MYO10: variants seen among roughly 807,000 people sequenced by gnomAD.
MYO10 encodes unconventional myosin-X.
MYO10 carries 133 observed loss-of-function variants against 257.3 expected under a neutral mutation model. That is an observed-to-expected ratio of 0.52 (90% CI 0.45 to 0.60). The LOEUF is 0.60. Among genes scored for constraint, MYO10 ranks in the 20% least tolerant of loss-of-function variants. The pLI is 0.00. For synonymous variants in MYO10, 1,104 were observed against 1,028.6 expected (o/e 1.07, Z -1.40); for missense variants, 2,399 against 2,635.7 (o/e 0.91, Z 1.97).
chr5:16,687,214 G>A (rs773573430), intron 28 of MYO10, among the ~76,000 whole-genome samples: 10 of 151,792 alleles, frequency 6.6e-5, no homozygotes, highest in South Asian at 2.1e-4. Context: ...CCAGCTACTC[G>A]GGAGGCTGAG....
At chr5:16,825,914 G>A (rs1291438996) in intron 2 of MYO10, among the ~76,000 whole-genome samples, 1 of 152,062 alleles carries the variant, frequency 6.6e-6, no homozygotes, top group East Asian at 1.9e-4. Flanking sequence ...GGAAGCCAAG[G>A]TGGGCAGATC....
chr5:16,795,882 G>T (rs10052479), intron 3 of MYO10, among the ~76,000 whole-genome samples: 6,740 of 151,950 alleles, frequency 0.044, 535 homozygotes, highest in African/African-American at 0.16. Context: ...AAGATAACGT[G>T]ACCATTTCGA....
intron 33 of MYO10, among the ~76,000 whole-genome samples, chr5:16,677,450 C>A (rs932345607): frequency 1.8e-5 from 2 of 113,872 alleles, no homozygotes; most frequent in Non-Finnish European, 3.6e-5. Flanking sequence ...GAGTCTTGCT[C>A]TTTCGCCCAG....
At chr5:16,889,661 G>C (rs1744997236) in intron 1 of MYO10, among the ~76,000 whole-genome samples, 1 of 151,712 alleles carries the variant, frequency 6.6e-6, no homozygotes. Context: ...GTCCCACTAA[G>C]AACTCTCAAA....
At chr5:16,775,778 T>C (rs975870195) in intron 9 of MYO10, among the ~76,000 whole-genome samples, 1 of 152,144 alleles carries the variant, frequency 6.6e-6, no homozygotes, top group African/African-American at 2.4e-5. Context: ...AATTTTTGTA[T>C]TTTTAGTACA....
chr5:16,699,705 C>T (rs142848697), intron 25 of MYO10, 132 bp from the exon 26 acceptor site: 8 of 1,167,344 alleles, frequency 6.9e-6, no homozygotes, highest in East Asian at 6.1e-5. Context: ...CAGAATCACT[C>T]GAACCCAGGA....
At chr5:16,694,256 C>G in intron 27 of MYO10, 115 bp downstream of exon 27, 1 of 1,496,056 alleles carries the variant, frequency 6.7e-7, no homozygotes. Flanking sequence ...ACTGAACTAT[C>G]AGGACACCTG....
At chr5:16,794,288 G>T (rs921695806) in intron 4 of MYO10, among the ~76,000 whole-genome samples, 11 of 149,704 alleles carry the variant, frequency 7.3e-5, no homozygotes, top group African/African-American at 2.7e-4. Context: ...ATTTAAATTT[G>T]AAAGAACTAT....
intron 2 of MYO10, among the ~76,000 whole-genome samples, chr5:16,821,156 T>C (rs944987985): frequency 6.1e-5 from 9 of 148,090 alleles, no homozygotes; most frequent in East Asian, 2.0e-4. Context: ...AAAATATCTA[T>C]ATAAGGTATA....
chr5:16,709,831 T>A (rs143236822), intron 21 of MYO10, among the ~76,000 whole-genome samples: 2 of 152,310 alleles, frequency 1.3e-5, no homozygotes, highest in African/African-American at 4.8e-5. Flanking sequence ...GCATGCTATC[T>A]CTACCCTGTT....
chr5:16,779,042 T>C (rs1741322682), intron 9 of MYO10, among the ~76,000 whole-genome samples: 1 of 152,214 alleles, frequency 6.6e-6, no homozygotes, highest in Admixed American at 6.5e-5. Context: ...AACGTGTCCC[T>C]GTGCCTAAGT....
intron 24 of MYO10, among the ~76,000 whole-genome samples, chr5:16,702,150 G>A (rs1002442541): frequency 1.3e-5 from 2 of 152,172 alleles, no homozygotes. Context: ...TGGACAGACG[G>A]CCACCTGCAA....
At chr5:16,854,889 G>A (rs934228385) in intron 2 of MYO10, among the ~76,000 whole-genome samples, 10 of 152,042 alleles carry the variant, frequency 6.6e-5, no homozygotes, top group East Asian at 1.9e-4. Context: ...AAAATTAGCC[G>A]GGCGTGCGTG....
At chr5:16,847,711 C>T (rs1398989515) in intron 2 of MYO10, among the ~76,000 whole-genome samples, 3 of 151,950 alleles carry the variant, frequency 2.0e-5, no homozygotes, top group African/African-American at 7.3e-5. Flanking sequence ...ACCTGGGTGA[C>T]ACAGTGAGAC....
At chr5:16,791,563 T>TACACACACACACACACACAC (rs58464460) in intron 4 of MYO10, among the ~76,000 whole-genome samples, 4 of 151,042 alleles carry the variant, frequency 2.6e-5, no homozygotes, top group East Asian at 3.9e-4. Flanking sequence ...CACACACACA[T>TACACACACACACACACACAC]ACACATATGC....
At chr5:16,743,327 CAGTTCTAT>C (rs1740077069) in intron 19 of MYO10, among the ~76,000 whole-genome samples, 1 of 152,032 alleles carries the variant, frequency 6.6e-6, no homozygotes, top group Admixed American at 6.6e-5. Flanking sequence ...TATCATTCAC[CAGTTCTAT>C]AGTGAGCAAC....
intron 19 of MYO10, among the ~76,000 whole-genome samples, chr5:16,741,084 T>C (rs762930567): frequency 6.6e-6 from 1 of 152,204 alleles, no homozygotes; most frequent in Non-Finnish European, 1.5e-5. Context: ...AGCAACTGAA[T>C]AGACATCAAC....
chr5:16,823,932 A>C (rs1451460658), intron 2 of MYO10, among the ~76,000 whole-genome samples: 1 of 152,204 alleles, frequency 6.6e-6, no homozygotes, highest in African/African-American at 2.4e-5. Context: ...AGGAATGAGC[A>C]AAACATGGAG....
intron 3 of MYO10, among the ~76,000 whole-genome samples, chr5:16,817,660 C>A (rs542831621): frequency 5.6e-4 from 85 of 152,164 alleles, no homozygotes; most frequent in Non-Finnish European, 1.1e-3. Context: ...CTCATGTCCA[C>A]AAGTCAACAT....
Sources: gnomAD v4.1 joint callset for allele counts (sites outside exome capture counted in the v4.1 genomes callset) on GRCh38, gnomAD v4.1.1 for gene constraint, MANE v1.5 for transcripts, NCBI Gene and HGNC (gene_info 2026-07-23, HGNC 2026-07-21) for gene names.